Variants in KCNU1 observed in about 807,000 individuals in gnomAD.
The protein encoded by KCNU1 is potassium calcium-activated channel subfamily U member 1.
Under a neutral mutation model 126.8 loss-of-function variants are expected in KCNU1, and 93 were observed. The observed-to-expected ratio is 0.73, with a 90% CI of 0.62 to 0.87. KCNU1 has a LOEUF of 0.87. KCNU1 is among the 40% of genes least tolerant of loss of function. The pLI, the probability that KCNU1 is intolerant of heterozygous loss-of-function variation, is 0.00. For synonymous variants in KCNU1, 523 were observed against 494.2 expected, an observed-to-expected ratio of 1.06 and a Z score of -0.77; for missense variants, 1,330 against 1,367.1, an observed-to-expected ratio of 0.97 and a Z score of 0.43.
chr8:36,796,710 C>G (rs1228936439), intron 2 of KCNU1, among the ~76,000 whole-genome samples: 1 of 152,074 alleles, frequency 6.6e-6, no homozygotes, highest in Non-Finnish European at 1.5e-5. Context: ...CATTGTATTC[C>G]TACTGGACTA....
chr8:36,910,958 A>G lies in KCNU1; in HGVS notation c.2360A>G (p.His787Arg), dbSNP rs1487321522. ...TGTGCACTTTATTCTGGAGACCTCC[A>G]TGCGGCCAACATAGAGCAATGCTCC... ...PGCALYSGDL[H>R]AANIEQCSMC... is the part of the protein sequence containing the mutation. The change falls in exon 22 of 27, where the codon CAT becomes CGT. Residue 787 changes from histidine to arginine, a missense_variant. By Grantham distance (29) the His-to-Arg change is conservative. Coordinates refer to ENST00000399881, the MANE Select transcript of KCNU1 (RefSeq NM_001031836.3). The G allele has an allele frequency of 1.2e-6, 2 of 1,612,916 alleles. No homozygotes were observed. Among genetic ancestry groups the G allele is most frequent in the Non-Finnish European group, 1.7e-6 (2 of 1,179,312 alleles).
Position 36,846,044 on chromosome 8 carries a change from G to A in KCNU1, c.1891+145G>A, listed in dbSNP as rs1805132219. ...AGACATTTCCTCACTGACCACACAA[G>A]AGGTGAGAATCAGTGTTTTAGAGCT... On this transcript the variant is annotated intron_variant, in intron 18 of 26. Transcript: ENST00000399881. 3.7e-5 allele frequency: 23 copies of A among 616,930 alleles called. 1 individual carries two copies. The South Asian group carries it at 4.3e-4, about 12-fold the overall frequency. 38.2% of individuals were successfully genotyped at this position (616,930 alleles called of 1,614,324 possible). A position where few individuals can be genotyped will look rare whatever the true frequency, so the allele number is the denominator to read the frequency against.
chr8:36,865,446 AAAC>A (rs1805870358), intron 19 of KCNU1, among the ~76,000 whole-genome samples: 1 of 152,058 alleles, frequency 6.6e-6, no homozygotes, highest in Non-Finnish European at 1.5e-5. Flanking sequence ...CAAGATACAG[AAAC>A]AACCTAAGTG....
At chr8:36,865,534 G>A (rs1415189734) in intron 19 of KCNU1, among the ~76,000 whole-genome samples, 2 of 151,598 alleles carry the variant, frequency 1.3e-5, no homozygotes, top group African/African-American at 4.8e-5. Flanking sequence ...AGGAGGCTGA[G>A]CTGGGAGGAT....
chr8:36,812,480 T>A (rs570861450), intron 7 of KCNU1, among the ~76,000 whole-genome samples: 1 of 151,950 alleles, frequency 6.6e-6, no homozygotes, highest in African/African-American at 2.4e-5. Context: ...AGAATGTAGA[T>A]GCACAAATAA....
intron 23 of KCNU1, among the ~76,000 whole-genome samples, chr8:36,921,725 A>G (rs1008985901): frequency 2.0e-5 from 3 of 151,140 alleles, no homozygotes; most frequent in Non-Finnish European, 4.4e-5. Flanking sequence ...CTTCTCACGG[A>G]CCACAGTGAC....
chr8:36,900,040 G>C (rs1796795155), intron 19 of KCNU1, among the ~76,000 whole-genome samples: 1 of 152,106 alleles, frequency 6.6e-6, no homozygotes, highest in Non-Finnish European at 1.5e-5. Flanking sequence ...TGGTGCTTTG[G>C]AAGTAACCAG....
intron 24 of KCNU1, among the ~76,000 whole-genome samples, chr8:36,929,387 C>CA (rs35835813): frequency 0.016 from 1,588 of 99,118 alleles, 14 homozygotes; most frequent in South Asian, 0.018. Flanking sequence ...GACCCTGTCT[C>CA]AAAAAAAAAA....
At chr8:36,861,219 A>G (rs1051692901) in intron 18 of KCNU1, among the ~76,000 whole-genome samples, 1 of 152,242 alleles carries the variant, frequency 6.6e-6, no homozygotes, top group Non-Finnish European at 1.5e-5. Context: ...CTTGGTAACA[A>G]GTCTGTAAAG....
At chr8:36,796,336 A>T (rs535736066) in intron 2 of KCNU1, among the ~76,000 whole-genome samples, 1 of 152,242 alleles carries the variant, frequency 6.6e-6, no homozygotes, top group East Asian at 1.9e-4. Context: ...AATTTTTACT[A>T]CCATGTAATG....
rs1238979347 is a variant in KCNU1, at chr8:36,860,049, A to G, written c.1892-4355A>G. Among the ~76,000 whole-genome samples, 3 of 151,148 alleles carry G rather than the reference A, an allele frequency of 2.0e-5. No individual in the cohort carries two copies. In the East Asian group the frequency reaches 5.8e-4, roughly 29 times the overall value. ...AAATAATAATTGAAAGAGAATTCCT[A>G]GTAGATTATACTTATTTTAACCCAT... On this transcript the variant is annotated intron_variant, in intron 18 of 26. Coordinates refer to ENST00000399881, the MANE Select transcript of KCNU1 (RefSeq NM_001031836.3).
intron 14 of KCNU1, among the ~76,000 whole-genome samples, chr8:36,840,171 G>A (rs1804897438): frequency 6.6e-6 from 1 of 152,192 alleles, no homozygotes; most frequent in Non-Finnish European, 1.5e-5. Context: ...GCTGAAATCA[G>A]GACTGGGTGA....
Position 36,895,577 on chromosome 8 carries a change from A to T in KCNU1, c.2010-10131A>T, listed in dbSNP as rs560841467. Reference sequence around the variant, plus strand: ...TGAAACTTATACTATCATAATTACAATGACAATTATCAATCTTTGAATCAC... The same window carrying T: ...TGAAACTTATACTATCATAATTACATTGACAATTATCAATCTTTGAATCAC... On this transcript the variant is annotated intron_variant, in intron 19 of 26. Transcript: ENST00000399881. 1.2e-4 allele frequency among the ~76,000 whole-genome samples: 19 copies of T among 152,256 alleles called. No homozygotes were observed. In the East Asian group the frequency reaches 3.7e-3, roughly 29 times the overall value.
In KCNU1 at chr8:36,846,764, G is replaced by A. The variant is rs186845962; in HGVS notation, c.1891+865G>A. ...TGCAGTAAGCCGAGATCATACCACT[G>A]CACTCCAGCCTGGGCGACAGAGCGA... On this transcript the variant is annotated intron_variant, in intron 18 of 26. Transcript: ENST00000399881. Among the ~76,000 whole-genome samples, 65 of 137,748 alleles carry A rather than the reference G, an allele frequency of 4.7e-4. 2 individuals carry two copies. The Admixed American group carries it at 5.2e-3, about 11-fold the overall frequency. The allele number at this position is 137,748 out of a possible 152,430, so 90.4% of individuals were successfully genotyped here. A position where few individuals can be genotyped will look rare whatever the true frequency, so the allele number is the denominator to read the frequency against.
intron 24 of KCNU1, among the ~76,000 whole-genome samples, chr8:36,928,164 C>G (rs551876860): frequency 1.1e-3 from 168 of 152,076 alleles, no homozygotes; most frequent in Non-Finnish European, 2.1e-3. Flanking sequence ...TTATTTTTCT[C>G]AATATAAAAT....
intron 20 of KCNU1, 149 bp downstream of exon 20, chr8:36,905,953 A>C (rs917671527): frequency 3.7e-6 from 2 of 543,228 alleles, no homozygotes; most frequent in African/African-American, 3.9e-5. Context: ...CTCACCAGCC[A>C]TAAGAATAAT....
chr8:36,802,143 A>G (rs1445144230), intron 2 of KCNU1, among the ~76,000 whole-genome samples: 1 of 151,054 alleles, frequency 6.6e-6, no homozygotes, highest in Non-Finnish European at 1.5e-5. Context: ...GGAACTTACG[A>G]TAAGAGCTGA....
At chr8:36,876,847 C>T (rs191994594) in intron 19 of KCNU1, among the ~76,000 whole-genome samples, 110 of 152,260 alleles carry the variant, frequency 7.2e-4, no homozygotes, top group African/African-American at 2.6e-3. Flanking sequence ...TAATAATATA[C>T]GCCCTGGCTG....
chr8:36,806,182 TAA>T, intron 4 of KCNU1, 85 bp from the exon 5 acceptor site: 6 of 729,090 alleles, frequency 8.2e-6, no homozygotes, highest in Non-Finnish European at 1.4e-5. Context: ...AGCTGATAAG[TAA>T]AATGCAGCTG....
Sources: allele counts gnomAD v4.1 joint callset (sites outside exome capture counted in the v4.1 genomes callset), GRCh38; gene constraint gnomAD v4.1.1; transcripts MANE v1.5; gene names NCBI Gene and HGNC (gene_info 2026-07-23, HGNC 2026-07-21).